Variants in RASEF observed in about 807,000 individuals in gnomAD.
RASEF encodes RAS and EF-hand domain containing, also known as ras and EF-hand domain-containing protein.
In RASEF, 68 loss-of-function variants were observed where a neutral mutation model predicts 90.1. The ratio of observed to expected loss-of-function variants is 0.75; its 90% CI spans 0.62 to 0.92. The LOEUF (loss-of-function observed/expected upper bound fraction) is 0.92, where lower values mean the gene tolerates loss of function less well. Among genes scored for constraint, RASEF ranks in the 40% least tolerant of loss-of-function variants. The probability of loss-of-function intolerance (pLI) is 0.00; values close to 1 mark genes in which losing one functional copy is unlikely to be tolerated. For missense variants in RASEF, 949 were observed against 937.2 expected (o/e 1.01, Z -0.16); for synonymous variants, 331 against 345.2 (o/e 0.96, Z 0.46).
At chr9:83,046,125 G>A (rs967711581) in intron 1 of RASEF, among the ~76,000 whole-genome samples, 3 of 151,994 alleles carry the variant, frequency 2.0e-5, no homozygotes, top group Admixed American at 1.3e-4. Flanking sequence ...TACATGTGCA[G>A]GTTTGTTACA....
At chr9:82,998,211 G>C (rs979239091) in intron 13 of RASEF, among the ~76,000 whole-genome samples, 154 bp downstream of exon 13, 1 of 152,110 alleles carries the variant, frequency 6.6e-6, no homozygotes, top group African/African-American at 2.4e-5. Flanking sequence ...GCATTTTAAA[G>C]TTATAATACA....
Position 83,062,590 on chromosome 9 carries a change from G to C in RASEF, c.278C>G (p.Ser93Cys), listed in dbSNP as rs749735758. The C allele has an allele frequency of 1.3e-6, 2 of 1,579,334 alleles. No individual in the cohort carries two copies. Among genetic ancestry groups the C allele is most frequent in the South Asian group, 1.1e-5 (1 of 88,096 alleles). The change falls in exon 1 of 17, where the codon TCT becomes TGT. Residue 93 changes from serine (S) to cysteine (C), a missense_variant. Ser to Cys is a moderately radical substitution (Grantham distance 112, BLOSUM62 -1). This residue lies in a region of RASEF where 656 missense variants were observed against 592.2 expected (regional missense o/e 1.11). Transcript: ENST00000376447. ...GTCGTGTGTCTCCGGCCCCGCCTCA[G>C]ACACGGCGGGCGCGGGATCCAGAGG... ...WGPLDPAPAV[S>C]EAGPETHDSE...
chr9:83,163,528 T>C, the RASEF span, among the ~76,000 whole-genome samples: 3 of 152,026 alleles, frequency 2.0e-5, no homozygotes, highest in African/African-American at 7.2e-5. Flanking sequence ...AAGATGAAAA[T>C]TCTAAGACAA....
At chr9:83,024,836 A>C (rs1829513480) in intron 2 of RASEF, among the ~76,000 whole-genome samples, 1 of 152,196 alleles carries the variant, frequency 6.6e-6, no homozygotes, top group Non-Finnish European at 1.5e-5. Flanking sequence ...AGCAGAATTG[A>C]AGACAAGTCA....
chr9:83,130,648 T>C, the RASEF span, among the ~76,000 whole-genome samples: 2 of 152,216 alleles, frequency 1.3e-5, no homozygotes, highest in Non-Finnish European at 2.9e-5. Flanking sequence ...TCAATACTTA[T>C]TGAGTACCTG....
the RASEF span, among the ~76,000 whole-genome samples, chr9:83,144,391 G>GAAAGAAAGGAAAGAAAGAAAGAAA: frequency 6.0e-4 from 20 of 33,194 alleles, no homozygotes; most frequent in Admixed American, 8.6e-4. Context: ...AAGAAAGAAA[G>GAAAGAAAGGAAAGAAAGAAAGAAA]GAAAGAAAGA....
chr9:83,180,649 G>A, the RASEF span, among the ~76,000 whole-genome samples: 5 of 152,052 alleles, frequency 3.3e-5, no homozygotes, highest in African/African-American at 9.7e-5. Flanking sequence ...ACTGTGCCAG[G>A]CACTGTGGTG....
At chr9:83,207,386 G>A in the RASEF span, among the ~76,000 whole-genome samples, 1 of 152,152 alleles carries the variant, frequency 6.6e-6, no homozygotes, top group African/African-American at 2.4e-5. Context: ...CATCCCAGGT[G>A]GTGGCAACTG....
chr9:83,075,647 T>C, the RASEF span, among the ~76,000 whole-genome samples: 3 of 152,340 alleles, frequency 2.0e-5, no homozygotes, highest in East Asian at 5.8e-4. Context: ...AAATTTATTT[T>C]AGCTCTAGGG....
At chr9:83,181,028 T>A in the RASEF span, among the ~76,000 whole-genome samples, 1 of 151,302 alleles carries the variant, frequency 6.6e-6, no homozygotes, top group African/African-American at 2.4e-5. Flanking sequence ...CCTGGGATGG[T>A]TCCTGTTTAT....
the RASEF span, among the ~76,000 whole-genome samples, chr9:83,080,950 C>A: frequency 6.6e-6 from 1 of 151,960 alleles, no homozygotes; most frequent in African/African-American, 2.4e-5. Context: ...AGTTTATGTA[C>A]AATAAATAAA....
intron 1 of RASEF, among the ~76,000 whole-genome samples, chr9:83,034,546 T>C (rs1829704883): frequency 6.6e-6 from 1 of 152,198 alleles, no homozygotes; most frequent in African/African-American, 2.4e-5. Flanking sequence ...CTAGATCCAT[T>C]CAATGTCTAG....
the RASEF span, among the ~76,000 whole-genome samples, chr9:83,164,201 TA>T: frequency 7.3e-5 from 11 of 151,022 alleles, no homozygotes; most frequent in African/African-American, 2.7e-4. Flanking sequence ...TCTATCTACA[TA>T]AAGAAAGGAT....
chr9:83,123,132 C>T, the RASEF span, among the ~76,000 whole-genome samples: 13 of 149,582 alleles, frequency 8.7e-5, no homozygotes, highest in African/African-American at 2.7e-4. Flanking sequence ...TGCAGCTACT[C>T]GGGAGGCTGA....
the RASEF span, among the ~76,000 whole-genome samples, chr9:83,182,776 AGTT>A: frequency 1.3e-5 from 2 of 152,238 alleles, no homozygotes; most frequent in Admixed American, 6.5e-5. Flanking sequence ...TGGTGAAAAA[AGTT>A]AGATTCTCTA....
chr9:83,124,323 A>C, the RASEF span, among the ~76,000 whole-genome samples: 13 of 152,204 alleles, frequency 8.5e-5, no homozygotes, highest in Admixed American at 5.2e-4. Flanking sequence ...CAGAAGTAGA[A>C]ATGCTGGATC....
intron 15 of RASEF, among the ~76,000 whole-genome samples, chr9:82,992,538 C>T (rs1303805822): frequency 6.6e-6 from 1 of 152,150 alleles, no homozygotes; most frequent in Non-Finnish European, 1.5e-5. Context: ...CCTCTGAAAC[C>T]AAAGCCATCT....
upstream of RASEF, among the ~76,000 whole-genome samples, chr9:83,063,676 A>G (rs1422351683): frequency 6.6e-6 from 1 of 152,192 alleles, no homozygotes; most frequent in Non-Finnish European, 1.5e-5. Flanking sequence ...CTGAGAAAAA[A>G]TTTGATAAAC....
At chr9:83,028,123 C>T (rs1829580523) in intron 1 of RASEF, among the ~76,000 whole-genome samples, 1 of 152,192 alleles carries the variant, frequency 6.6e-6, no homozygotes, top group African/African-American at 2.4e-5. Flanking sequence ...ATACCAGCAT[C>T]AAATAATTCT....
Sources: gnomAD v4.1 joint callset for allele counts (sites outside exome capture counted in the v4.1 genomes callset) on GRCh38, gnomAD v4.1.1 for gene constraint, gnomAD v4.1.1 regional missense constraint, MANE v1.5 for transcripts, NCBI Gene and HGNC (gene_info 2026-07-23, HGNC 2026-07-21) for gene names.